The following VDAC1 variants were observed in gnomAD, a reference collection of about 807,000 sequenced individuals.
VDAC1 encodes the protein voltage dependent anion channel 1.
VDAC1 carries 10 observed loss-of-function variants against 34.7 expected under a neutral mutation model. The ratio of observed to expected loss-of-function variants is 0.29; its 90% CI spans 0.18 to 0.49. VDAC1 has a LOEUF of 0.49. VDAC1 is among the 20% of genes least tolerant of loss of function. The pLI is 0.99. For missense variants in VDAC1, 230 were observed against 347.9 expected (o/e 0.66, Z 2.69); for synonymous variants, 130 against 136.0 (o/e 0.96, Z 0.30).
At chr5:133,989,525 A>G (rs967137221) in intron 5 of VDAC1, among the ~76,000 whole-genome samples, 2 of 150,426 alleles carry the variant, frequency 1.3e-5, no homozygotes, top group African/African-American at 4.9e-5. Context: ...ATGCCTGGCT[A>G]ATTTTTGTAT....
the VDAC1 span, among the ~76,000 whole-genome samples, chr5:134,065,555 G>A: frequency 6.6e-6 from 1 of 151,424 alleles, no homozygotes. Flanking sequence ...TGGCCAGGCT[G>A]GTCTCAAACT....
the VDAC1 span, among the ~76,000 whole-genome samples, chr5:134,027,726 G>A: frequency 6.9e-6 from 1 of 144,940 alleles, no homozygotes; most frequent in Non-Finnish European, 1.5e-5. Flanking sequence ...CTGCAACTCT[G>A]TTATTTTTGG....
At chr5:134,064,310 G>GT in the VDAC1 span, among the ~76,000 whole-genome samples, 54 of 150,620 alleles carry the variant, frequency 3.6e-4, 1 homozygote, top group South Asian at 1.7e-3. Flanking sequence ...GTTTTTTGGG[G>GT]TTTTTTTTTG....
chr5:133,985,398 A>C (rs967949990), intron 5 of VDAC1, among the ~76,000 whole-genome samples: 1 of 152,224 alleles, frequency 6.6e-6, no homozygotes, highest in Non-Finnish European at 1.5e-5. Flanking sequence ...GTAGTGGCTC[A>C]CACCTGTAAT....
the VDAC1 span, among the ~76,000 whole-genome samples, chr5:134,067,640 A>G: frequency 1.6e-3 from 197 of 122,154 alleles, 1 homozygote; most frequent in Non-Finnish European, 2.3e-3. Flanking sequence ...GAGGAGAAGG[A>G]GAAGGGGAGG....
At chr5:133,975,429 T>C (rs1401581882) in intron 7 of VDAC1, among the ~76,000 whole-genome samples, 1 of 151,664 alleles carries the variant, frequency 6.6e-6, no homozygotes, top group Non-Finnish European at 1.5e-5. Flanking sequence ...AGTGAGAACA[T>C]CTCTCACTTT....
chr5:134,088,388 T>A, the VDAC1 span, among the ~76,000 whole-genome samples: 2 of 152,140 alleles, frequency 1.3e-5, no homozygotes, highest in Admixed American at 1.3e-4. Flanking sequence ...GAAGCCCCAC[T>A]AGCCTGTGAC....
chr5:133,978,168 CT>C (rs34284060), intron 6 of VDAC1, among the ~76,000 whole-genome samples: 126 of 147,028 alleles, frequency 8.6e-4, no homozygotes, highest in African/African-American at 2.1e-3. Context: ...TCTAAATTTT[CT>C]TTTTTTTTTT....
chr5:134,054,613 T>A, the VDAC1 span, among the ~76,000 whole-genome samples: 15 of 152,088 alleles, frequency 9.9e-5, no homozygotes, highest in Admixed American at 5.9e-4. Flanking sequence ...GCGCCCATCG[T>A]CATGCCTAGC....
At chr5:133,978,482 G>GA (rs751477653) in intron 6 of VDAC1, among the ~76,000 whole-genome samples, 3 of 152,172 alleles carry the variant, frequency 2.0e-5, no homozygotes, top group Non-Finnish European at 4.4e-5. Context: ...TATGCTTCTA[G>GA]AAAGTACAGG....
chr5:134,048,424 G>A, the VDAC1 span, among the ~76,000 whole-genome samples: 76 of 152,138 alleles, frequency 5.0e-4, no homozygotes, highest in African/African-American at 1.8e-3. Context: ...GCATTAGCAC[G>A]CCTGGCTAAC....
chr5:134,085,722 T>TAAAAA, the VDAC1 span, among the ~76,000 whole-genome samples: 32 of 44,244 alleles, frequency 7.2e-4, 1 homozygote, highest in South Asian at 1.5e-3. Context: ...ACCCCATTTC[T>TAAAAA]AAAAAAAAAA....
chr5:133,973,740 CCA>C (rs1201160623), intron 8 of VDAC1, 49 bp downstream of exon 8: 1 of 1,573,972 alleles, frequency 6.4e-7, no homozygotes, highest in Non-Finnish European at 8.7e-7. Flanking sequence ...CAAACCAGCA[CCA>C]CAATTTTTTT....
At chr5:134,107,939 C>T in the VDAC1 span, among the ~76,000 whole-genome samples, 1 of 152,184 alleles carries the variant, frequency 6.6e-6, no homozygotes, top group Non-Finnish European at 1.5e-5. Context: ...TGATTTCACA[C>T]CCAGGCTATG....
At chr5:134,033,349 G>A in the VDAC1 span, among the ~76,000 whole-genome samples, 1 of 151,528 alleles carries the variant, frequency 6.6e-6, no homozygotes, top group Non-Finnish European at 1.5e-5. Context: ...ATAGAGACGG[G>A]GTTTCACCAC....
the VDAC1 span, among the ~76,000 whole-genome samples, chr5:134,100,670 G>A: frequency 1.3e-5 from 2 of 152,218 alleles, no homozygotes; most frequent in Non-Finnish European, 2.9e-5. Context: ...AGAGCCGGCC[G>A]AGACTCCGTC....
At chr5:133,998,718 G>T (rs549500275) in intron 1 of VDAC1, among the ~76,000 whole-genome samples, 1 of 152,330 alleles carries the variant, frequency 6.6e-6, no homozygotes, top group South Asian at 2.1e-4. Flanking sequence ...AGGTCCGTCG[G>T]GGCACATTTC....
chr5:133,987,585 G>A (rs966728354), intron 5 of VDAC1, among the ~76,000 whole-genome samples: 1 of 152,130 alleles, frequency 6.6e-6, no homozygotes, highest in East Asian at 1.9e-4. Context: ...GGCTGAGGAA[G>A]GAGGATTGCT....
At chr5:133,973,357 T>G (rs188178301) in intron 8 of VDAC1, among the ~76,000 whole-genome samples, 4 of 152,344 alleles carry the variant, frequency 2.6e-5, no homozygotes, top group Admixed American at 1.3e-4. Context: ...TTTCCAGGGT[T>G]CAAAAGTGGT....
Sources: gnomAD v4.1 joint callset for allele counts (sites outside exome capture counted in the v4.1 genomes callset) on GRCh38, gnomAD v4.1.1 for gene constraint, MANE v1.5 for transcripts, NCBI Gene and HGNC (gene_info 2026-07-23, HGNC 2026-07-21) for gene names.